HECW2: variants seen among roughly 807,000 people sequenced by gnomAD.
HECW2 encodes HECT, C2 and WW domain containing E3 ubiquitin protein ligase 2, also known as E3 ubiquitin-protein ligase HECW2.
Under a neutral mutation model 175.2 loss-of-function variants are expected in HECW2, and 61 were observed. The observed-to-expected ratio is 0.35, with a 90% CI of 0.28 to 0.43. HECW2 has a LOEUF of 0.43. HECW2 is among the 20% of genes least tolerant of loss of function. The pLI, the probability that HECW2 is intolerant of heterozygous loss-of-function variation, is 1.00. For synonymous variants in HECW2, 671 were observed against 731.0 expected (o/e 0.92, Z 1.32); for missense variants, 1,524 against 2,000.5 (o/e 0.76, Z 4.54).
intron 1 of HECW2, among the ~76,000 whole-genome samples, chr2:196,521,969 A>G (rs2125435741): frequency 6.6e-6 from 1 of 152,200 alleles, no homozygotes; most frequent in Middle Eastern, 3.4e-3. Context: ...TTATAGCAGC[A>G]TGATTTATAG....
intron 2 of HECW2, among the ~76,000 whole-genome samples, chr2:196,401,217 G>A (rs1483042397): frequency 6.6e-6 from 1 of 151,922 alleles, no homozygotes; most frequent in African/African-American, 2.4e-5. Context: ...CCAACCCAAA[G>A]GACCATTAAT....
At chr2:196,425,353 G>T (rs994458004) in intron 2 of HECW2, among the ~76,000 whole-genome samples, 1 of 151,982 alleles carries the variant, frequency 6.6e-6, no homozygotes, top group Non-Finnish European at 1.5e-5. Flanking sequence ...GAGTAATTTT[G>T]AATTTCAAGT....
intron 2 of HECW2, among the ~76,000 whole-genome samples, chr2:196,402,803 ATT>A (rs369586280): frequency 0.043 from 5,361 of 123,478 alleles, 237 homozygotes; most frequent in African/African-American, 0.15. Flanking sequence ...TGCCTTGGGA[ATT>A]TTTTTTTTTT....
At chr2:196,219,365 G>A (rs10205756) in intron 26 of HECW2, among the ~76,000 whole-genome samples, 53,744 of 152,086 alleles carry the variant, frequency 0.35, 9,784 homozygotes, top group East Asian at 0.47. Context: ...CTTGCAAAGT[G>A]TTGGTTTAAC....
At chr2:196,278,470 A>G in intron 15 of HECW2, 58 bp downstream of exon 15, 3 of 1,549,380 alleles carry the variant, frequency 1.9e-6, no homozygotes, top group South Asian at 1.2e-5. Flanking sequence ...TCCTCAAACC[A>G]TCACATACTA....
intron 2 of HECW2, among the ~76,000 whole-genome samples, chr2:196,350,153 C>T (rs969693776): frequency 1.3e-5 from 2 of 152,146 alleles, no homozygotes; most frequent in African/African-American, 4.8e-5. Context: ...CACTTGAGGT[C>T]AGGAGTTTGA....
chr2:196,533,000 TATC>T (rs1688894741), intron 1 of HECW2, among the ~76,000 whole-genome samples: 1 of 152,220 alleles, frequency 6.6e-6, no homozygotes, highest in African/African-American at 2.4e-5. Flanking sequence ...TTTCTTCAGC[TATC>T]ATATTAATAT....
chr2:196,543,887 C>T (rs1221725837), intron 1 of HECW2, among the ~76,000 whole-genome samples: 1 of 152,238 alleles, frequency 6.6e-6, no homozygotes, highest in Non-Finnish European at 1.5e-5. Flanking sequence ...GCTGGGATTA[C>T]AGGCGTGAGC....
At chr2:196,272,354 A>G (rs1378068201) in intron 16 of HECW2, among the ~76,000 whole-genome samples, 1 of 152,368 alleles carries the variant, frequency 6.6e-6, no homozygotes, top group East Asian at 1.9e-4. Flanking sequence ...ATTAAAATTT[A>G]TTAAGGATAC....
chr2:196,508,240 A>G (rs1185967118), intron 1 of HECW2, among the ~76,000 whole-genome samples: 1 of 152,214 alleles, frequency 6.6e-6, no homozygotes, highest in Non-Finnish European at 1.5e-5. Context: ...CTTTACTACA[A>G]CTGCAGAAGG....
In HECW2 at chr2:196,532,388, A is replaced by G. The variant is rs147813051; in HGVS notation, c.-36+61120T>C. On this transcript the variant is annotated intron_variant, in intron 1 of 28. Coordinates refer to ENST00000644978, the MANE Select transcript of HECW2 (RefSeq NM_001348768.2). ...CAAACTATCACAAGAACAGAAAACCAAACACCACATATTCTCACTCATAAG... is the reference window on the plus strand; with the variant it reads ...CAAACTATCACAAGAACAGAAAACCGAACACCACATATTCTCACTCATAAG... 5.0e-3 allele frequency among the ~76,000 whole-genome samples: 760 copies of G among 152,292 alleles called. 6 individuals carry two copies. The highest frequency in any genetic ancestry group is 0.014 in the Middle Eastern group (4 of 294).
intron 14 of HECW2, chr2:196,288,989 A>G (rs1559013662): frequency 6.6e-6 from 1 of 152,258 alleles, no homozygotes; most frequent in Non-Finnish European, 1.5e-5. Flanking sequence ...TGTGGATAAA[A>G]ATAGCACCCA....
chr2:196,360,491 G>C (rs1250198867), intron 2 of HECW2, among the ~76,000 whole-genome samples: 1 of 152,112 alleles, frequency 6.6e-6, no homozygotes, highest in African/African-American at 2.4e-5. Flanking sequence ...TGGGAGCTAA[G>C]AGATGAGACT....
intron 1 of HECW2, among the ~76,000 whole-genome samples, chr2:196,504,114 A>G (rs988898660): frequency 6.6e-6 from 1 of 151,990 alleles, no homozygotes; most frequent in African/African-American, 2.4e-5. Flanking sequence ...TGGATAACAT[A>G]GTGTAACCTC....
chr2:196,513,428 G>A (rs921043533), intron 1 of HECW2, among the ~76,000 whole-genome samples: 2 of 152,160 alleles, frequency 1.3e-5, no homozygotes, highest in African/African-American at 2.4e-5. Context: ...AGGATCACCC[G>A]AGCCCAGGGA....
intron 2 of HECW2, among the ~76,000 whole-genome samples, chr2:196,411,335 C>A (rs1695104690): frequency 6.6e-6 from 1 of 152,120 alleles, no homozygotes. Context: ...GGGCCAGGTT[C>A]CAGGGTGCAG....
intron 21 of HECW2, among the ~76,000 whole-genome samples, chr2:196,235,335 C>T (rs368294746): frequency 5.9e-5 from 9 of 151,612 alleles, no homozygotes; most frequent in African/African-American, 2.2e-4. Context: ...CTCCTGACCT[C>T]GTGATCTGCC....
chr2:196,332,620 G>A (rs950346075), intron 4 of HECW2, among the ~76,000 whole-genome samples: 7 of 152,102 alleles, frequency 4.6e-5, no homozygotes, highest in African/African-American at 1.4e-4. Flanking sequence ...TCAACAAACC[G>A]TAAACTCCCA....
intron 1 of HECW2, among the ~76,000 whole-genome samples, chr2:196,589,180 C>T (rs780950723): frequency 2.0e-5 from 3 of 152,086 alleles, no homozygotes; most frequent in African/African-American, 4.8e-5. Context: ...GTCTGGGCAA[C>T]GGAGTGAGAC....
Sources: allele counts gnomAD v4.1 joint callset (sites outside exome capture counted in the v4.1 genomes callset), GRCh38; gene constraint gnomAD v4.1.1; transcripts MANE v1.5; gene names NCBI Gene and HGNC (gene_info 2026-07-23, HGNC 2026-07-21).